ZNF385D: variants seen among roughly 807,000 people sequenced by gnomAD.
ZNF385D encodes zinc finger protein 385D.
In ZNF385D, 15 loss-of-function variants were observed where a neutral mutation model predicts 35.8. That is an observed-to-expected ratio of 0.42 (90% CI 0.28 to 0.64). The LOEUF is 0.64. Ranked by LOEUF, ZNF385D falls within the 30% of genes least tolerant of loss-of-function variation. The pLI is 0.23. For missense variants in ZNF385D, 474 were observed against 494.6 expected (o/e 0.96, Z 0.39); for synonymous variants, 212 against 186.8 (o/e 1.13, Z -1.10).
chr3:21,784,828 C>T (rs2071623001), intron 3 of ZNF385D, among the ~76,000 whole-genome samples: 1 of 152,054 alleles, frequency 6.6e-6, no homozygotes, highest in Admixed American at 6.6e-5. Flanking sequence ...GCCTTAGGCT[C>T]CAACATGGCT....
At chr3:21,962,148 G>C (rs1251262947) in intron 3 of ZNF385D, among the ~76,000 whole-genome samples, 3 of 152,126 alleles carry the variant, frequency 2.0e-5, no homozygotes, top group Non-Finnish European at 2.9e-5. Flanking sequence ...GCAACATAAA[G>C]CCAGACAGAA....
chr3:21,508,830 T>C (rs896383289), intron 4 of ZNF385D, among the ~76,000 whole-genome samples: 3 of 152,190 alleles, frequency 2.0e-5, no homozygotes, highest in Non-Finnish European at 4.4e-5. Flanking sequence ...TTCTCCAACT[T>C]AACACTTGGA....
At chr3:21,881,235 C>G (rs1274518938) in intron 3 of ZNF385D, among the ~76,000 whole-genome samples, 1 of 151,714 alleles carries the variant, frequency 6.6e-6, no homozygotes, top group South Asian at 2.1e-4. Flanking sequence ...TTTCATAGCT[C>G]TAAGGAAGTT....
At chr3:22,287,323 C>T (rs1470459386) in intron 2 of ZNF385D, among the ~76,000 whole-genome samples, 1 of 151,904 alleles carries the variant, frequency 6.6e-6, no homozygotes, top group Non-Finnish European at 1.5e-5. Context: ...TATTCATTAA[C>T]TCACTCTATA....
At chr3:22,022,833 G>A (rs1697304226) in intron 3 of ZNF385D, among the ~76,000 whole-genome samples, 2 of 152,242 alleles carry the variant, frequency 1.3e-5, no homozygotes, top group African/African-American at 2.4e-5. Context: ...ATAGTTACCA[G>A]GAAGGCAAAA....
intron 3 of ZNF385D, among the ~76,000 whole-genome samples, chr3:21,932,658 A>G (rs981231063): frequency 7.2e-5 from 11 of 152,080 alleles, no homozygotes; most frequent in Middle Eastern, 3.4e-3. Flanking sequence ...GAGGTTAAAA[A>G]AACCCCACAT....
intron 2 of ZNF385D, among the ~76,000 whole-genome samples, chr3:22,281,695 T>TCATCAGGAAC: frequency 6.6e-6 from 1 of 152,088 alleles, no homozygotes; most frequent in East Asian, 1.9e-4. Context: ...CACTGGTGTG[T>TCATCAGGAAC]ACTTTTCTTT....
chr3:22,289,806 G>A (rs910672002), intron 2 of ZNF385D, among the ~76,000 whole-genome samples: 1 of 152,044 alleles, frequency 6.6e-6, no homozygotes, highest in Non-Finnish European at 1.5e-5. Context: ...GATAGACCTG[G>A]ATTTACCCCT....
chr3:22,173,963 C>G (rs1427959102), intron 2 of ZNF385D, among the ~76,000 whole-genome samples: 1 of 152,018 alleles, frequency 6.6e-6, no homozygotes, highest in Non-Finnish European at 1.5e-5. Context: ...ATCTAATACA[C>G]CTCAACTGAT....
At chr3:22,283,503 C>A (rs1437868478) in intron 2 of ZNF385D, among the ~76,000 whole-genome samples, 1 of 152,126 alleles carries the variant, frequency 6.6e-6, no homozygotes, top group East Asian at 1.9e-4. Context: ...TCCTTTCTTG[C>A]AATAATTCAT....
At chr3:21,797,841 TG>T (rs964893228) in intron 3 of ZNF385D, among the ~76,000 whole-genome samples, 8 of 152,082 alleles carry the variant, frequency 5.3e-5, no homozygotes, top group Non-Finnish European at 8.8e-5. Context: ...TCCAGGAATT[TG>T]GGGGTAGGAG....
intron 2 of ZNF385D, among the ~76,000 whole-genome samples, chr3:22,335,885 A>C (rs1255665585): frequency 6.6e-6 from 1 of 152,156 alleles, no homozygotes; most frequent in Admixed American, 6.5e-5. Flanking sequence ...AAATAAGAAC[A>C]CTAAGTACAT....
At chr3:21,732,638 T>C (rs2069073005) in intron 1 of ZNF385D, among the ~76,000 whole-genome samples, 2 of 152,198 alleles carry the variant, frequency 1.3e-5, no homozygotes, top group Admixed American at 1.3e-4. Context: ...TCTCTAATGA[T>C]ACATGATGTG....
chr3:21,556,580 A>G (rs2062750518), intron 3 of ZNF385D, among the ~76,000 whole-genome samples: 1 of 152,114 alleles, frequency 6.6e-6, no homozygotes, highest in Non-Finnish European at 1.5e-5. Context: ...CCATTGATCT[A>G]TATATCTGTT....
Position 22,298,610 on chromosome 3 carries a change from C to A in ZNF385D, c.106+73840G>T, listed in dbSNP as rs1234936505. Among the ~76,000 whole-genome samples the A allele has an allele frequency of 2.0e-5, 3 of 148,588 alleles. No individual in the cohort carries two copies. In the East Asian group the frequency reaches 5.9e-4, roughly 29 times the overall value. ...GTGACTATCCACAGCTCCCTCTCAA[C>A]ATGTTACATCTGTGGTTCTCAAGCT... On this transcript the variant is annotated intron_variant, in intron 2 of 5. Transcript: ENST00000494108.
At chr3:21,870,220 G>A (rs911120027) in intron 3 of ZNF385D, among the ~76,000 whole-genome samples, 4 of 152,124 alleles carry the variant, frequency 2.6e-5, no homozygotes, top group Non-Finnish European at 5.9e-5. Flanking sequence ...CAACAAGCAT[G>A]GCTTGACTGT....
intron 2 of ZNF385D, among the ~76,000 whole-genome samples, chr3:22,312,321 A>G (rs913317433): frequency 1.3e-5 from 2 of 152,148 alleles, no homozygotes; most frequent in African/African-American, 2.4e-5. Flanking sequence ...AAATCACACC[A>G]TTAGAGCATG....
At chr3:22,027,747 C>G (rs567667706) in intron 3 of ZNF385D, among the ~76,000 whole-genome samples, 20 of 152,232 alleles carry the variant, frequency 1.3e-4, no homozygotes, top group Non-Finnish European at 2.8e-4. Flanking sequence ...CCTGAAGGCA[C>G]AAGTTACATG....
At chr3:22,141,950 A>AC (rs1704530710) in intron 3 of ZNF385D, among the ~76,000 whole-genome samples, 2 of 152,214 alleles carry the variant, frequency 1.3e-5, no homozygotes, top group Admixed American at 6.5e-5. Context: ...GAAGACAATG[A>AC]CTGACATTGC....
Sources: gnomAD v4.1 joint callset for allele counts (sites outside exome capture counted in the v4.1 genomes callset) on GRCh38, gnomAD v4.1.1 for gene constraint, MANE v1.5 for transcripts, NCBI Gene and HGNC (gene_info 2026-07-23, HGNC 2026-07-21) for gene names.